The following EYS variants were observed in gnomAD, a reference collection of about 807,000 sequenced individuals.
EYS encodes the protein protein eyes shut homolog.
EYS carries 250 observed loss-of-function variants against 282.1 expected under a neutral mutation model. The observed-to-expected ratio is 0.89, with a 90% confidence interval of 0.80 to 0.98. The LOEUF is 0.98. Ranked by LOEUF, EYS falls within the 50% of genes least tolerant of loss-of-function variation. The probability of loss-of-function intolerance (pLI) is 0.00; values close to 1 mark genes in which losing one functional copy is unlikely to be tolerated. For missense variants in EYS, 4,016 were observed against 3,709.0 expected (o/e 1.08, Z -2.15); for synonymous variants, 1,355 against 1,282.9 (o/e 1.06, Z -1.20).
At chr6:65,635,722 G>C (rs1283077693) in intron 2 of EYS, among the ~76,000 whole-genome samples, 1 of 152,196 alleles carries the variant, frequency 6.6e-6, no homozygotes, top group Non-Finnish European at 1.5e-5. Flanking sequence ...GGTGTGGTCT[G>C]ATCACAAGAT....
chr6:65,649,187 A>G (rs1462656890), intron 1 of EYS, among the ~76,000 whole-genome samples: 1 of 151,626 alleles, frequency 6.6e-6, no homozygotes, highest in African/African-American at 2.4e-5. Context: ...AACAATAAAA[A>G]TTGACATTAC....
At chr6:64,780,533 C>G (rs1495541) in intron 22 of EYS, among the ~76,000 whole-genome samples, 82,080 of 151,810 alleles carry the variant, frequency 0.54, 22,495 homozygotes, top group Admixed American at 0.65. Flanking sequence ...GAGGGAAGGA[C>G]GGGGTTGAGG....
At chr6:65,590,436 C>A (rs1303427789) in intron 2 of EYS, among the ~76,000 whole-genome samples, 1 of 152,000 alleles carries the variant, frequency 6.6e-6, no homozygotes, top group Non-Finnish European at 1.5e-5. Flanking sequence ...ATTAGGGTAA[C>A]TAGCATATCT....
At chr6:65,291,257 T>G (rs1380466290) in intron 12 of EYS, among the ~76,000 whole-genome samples, 1 of 151,514 alleles carries the variant, frequency 6.6e-6, no homozygotes, top group Non-Finnish European at 1.5e-5. Context: ...TAATCTGATA[T>G]GTTAAGAGTG....
At chr6:64,685,113 A>G (rs904156883) in intron 22 of EYS, among the ~76,000 whole-genome samples, 2 of 152,114 alleles carry the variant, frequency 1.3e-5, no homozygotes, top group African/African-American at 4.8e-5. Context: ...AAGTATAAGA[A>G]ATTTGGCCTG....
intron 12 of EYS, among the ~76,000 whole-genome samples, chr6:65,252,885 A>T (rs1767363290): frequency 6.6e-6 from 1 of 151,994 alleles, no homozygotes; most frequent in Non-Finnish European, 1.5e-5. Context: ...AGTGAACTTG[A>T]CAGCAGATCA....
At chr6:64,982,984 T>C (rs763774527) in intron 14 of EYS, among the ~76,000 whole-genome samples, 1 of 151,250 alleles carries the variant, frequency 6.6e-6, no homozygotes. Context: ...TGTCAGTGCC[T>C]GAGAAATGGA....
intron 2 of EYS, among the ~76,000 whole-genome samples, chr6:65,538,828 G>A (rs1200899614): frequency 6.6e-6 from 1 of 152,030 alleles, no homozygotes; most frequent in Non-Finnish European, 1.5e-5. Context: ...CTAAGTCTCT[G>A]ACCTCACCCC....
chr6:64,253,624 T>C (rs1180661494), intron 30 of EYS, among the ~76,000 whole-genome samples: 1 of 152,074 alleles, frequency 6.6e-6, no homozygotes, highest in African/African-American at 2.4e-5. Flanking sequence ...AAGTATCAGG[T>C]CTGTACTGAC....
At chr6:64,530,104 T>C (rs917106916) in intron 26 of EYS, among the ~76,000 whole-genome samples, 2 of 152,136 alleles carry the variant, frequency 1.3e-5, no homozygotes, top group African/African-American at 4.8e-5. Context: ...TTTACTTAAG[T>C]CATATGTAAA....
intron 31 of EYS, among the ~76,000 whole-genome samples, chr6:64,141,464 C>T (rs1280304153): frequency 6.6e-6 from 1 of 152,214 alleles, no homozygotes; most frequent in East Asian, 1.9e-4. Flanking sequence ...GAAACAAAGA[C>T]CATGTGTCAG....
chr6:64,366,537 A>G (rs775478502), intron 29 of EYS, among the ~76,000 whole-genome samples: 1 of 152,072 alleles, frequency 6.6e-6, no homozygotes, highest in Non-Finnish European at 1.5e-5. Flanking sequence ...TTCTGTACAT[A>G]AAATAAATTG....
At chr6:64,376,261 G>A (rs1772558829) in intron 29 of EYS, among the ~76,000 whole-genome samples, 1 of 152,148 alleles carries the variant, frequency 6.6e-6, no homozygotes, top group Non-Finnish European at 1.5e-5. Context: ...TGAGGAATTG[G>A]AGGACAGGAC....
intron 13 of EYS, among the ~76,000 whole-genome samples, chr6:65,029,239 A>T (rs1014611788): frequency 6.6e-6 from 1 of 152,160 alleles, no homozygotes; most frequent in Admixed American, 6.5e-5. Flanking sequence ...ATATTAAGAA[A>T]TCAAGATCTA....
intron 22 of EYS, among the ~76,000 whole-genome samples, chr6:64,720,291 C>T (rs1771534472): frequency 6.6e-6 from 1 of 152,148 alleles, no homozygotes; most frequent in Non-Finnish European, 1.5e-5. Context: ...TCACCTTTTC[C>T]TTCCTGCATC....
intron 1 of EYS, among the ~76,000 whole-genome samples, chr6:65,686,006 C>A (rs962401131): frequency 6.6e-5 from 10 of 151,922 alleles, no homozygotes; most frequent in Admixed American, 5.9e-4. Context: ...AAGTGCATTG[C>A]GAGATTATTT....
intron 37 of EYS, 98 bp from the exon 38 acceptor site, chr6:63,789,322 T>C (rs1770449401): frequency 8.4e-7 from 1 of 1,193,136 alleles, no homozygotes; most frequent in South Asian, 1.5e-5. Context: ...CAGATCAGTA[T>C]GGTAAGTTAT....
chr6:63,942,439 CA>C (rs957482008), intron 35 of EYS, among the ~76,000 whole-genome samples: 2 of 152,158 alleles, frequency 1.3e-5, no homozygotes, highest in African/African-American at 4.8e-5. Context: ...GCTTAGTAGA[CA>C]TCTCTATTAA....
chr6:64,092,416 G>C (rs1452346035), intron 31 of EYS, among the ~76,000 whole-genome samples: 4 of 151,996 alleles, frequency 2.6e-5, no homozygotes, highest in Admixed American at 6.6e-5. Context: ...AGCACCTGTT[G>C]TTTCCTGACT....
Sources: gnomAD v4.1 joint callset for allele counts (sites outside exome capture counted in the v4.1 genomes callset) on GRCh38, gnomAD v4.1.1 for gene constraint, MANE v1.5 for transcripts, NCBI Gene and HGNC (gene_info 2026-07-23, HGNC 2026-07-21) for gene names.